CRACDL: variants seen among roughly 807,000 people sequenced by gnomAD.
CRACDL encodes CRACD like, also known as CRACD-like protein.
A neutral mutation model predicts 70.6 loss-of-function variants in CRACDL; 26 were observed. That is an observed-to-expected ratio of 0.37 (90% CI 0.27 to 0.51). The LOEUF is 0.51. Ranked by LOEUF, CRACDL falls within the 20% of genes least tolerant of loss-of-function variation. The probability of loss-of-function intolerance (pLI) is 0.94; values close to 1 mark genes in which losing one functional copy is unlikely to be tolerated. For missense variants in CRACDL, 1,283 were observed against 1,376.9 expected (o/e 0.93, Z 1.08); for synonymous variants, 618 against 615.2 (o/e 1.00, Z -0.07).
At chr2:98,812,955 T>G (rs1233585279) in intron 7 of CRACDL, among the ~76,000 whole-genome samples, 1 of 152,204 alleles carries the variant, frequency 6.6e-6, no homozygotes, top group East Asian at 1.9e-4. Context: ...CCCAAATATT[T>G]TCTCATATTT....
intron 3 of CRACDL, 113 bp downstream of exon 3, chr2:98,838,006 C>CTCT (rs1705869106): frequency 1.7e-5 from 15 of 863,154 alleles, no homozygotes; most frequent in Admixed American, 6.3e-5. Flanking sequence ...ATGGAAGAAC[C>CTCT]TCTAATGGAA....
chr2:98,895,176 A>G (rs999596502), intron 1 of CRACDL, among the ~76,000 whole-genome samples: 4 of 152,194 alleles, frequency 2.6e-5, no homozygotes, highest in African/African-American at 7.2e-5. Context: ...CTGTCCATTC[A>G]TCAGAAAATT....
intron 1 of CRACDL, among the ~76,000 whole-genome samples, chr2:98,877,793 C>T (rs1049160685): frequency 4.6e-5 from 7 of 151,964 alleles, no homozygotes; most frequent in Admixed American, 6.6e-5. Context: ...AGTATATCCT[C>T]GGTTCATAGT....
intron 1 of CRACDL, among the ~76,000 whole-genome samples, chr2:98,878,120 T>C (rs1383961296): frequency 6.6e-6 from 1 of 152,122 alleles, no homozygotes; most frequent in Non-Finnish European, 1.5e-5. Context: ...CTAATATTTG[T>C]ATTTTTAGTA....
At chr2:98,928,186 A>G (rs1369909129) in intron 1 of CRACDL, among the ~76,000 whole-genome samples, 1 of 151,922 alleles carries the variant, frequency 6.6e-6, no homozygotes, top group East Asian at 1.9e-4. Context: ...CTCTCAAAAA[A>G]ATAAATAAAT....
chr2:98,836,182 GCA>G (rs1232347827), intron 3 of CRACDL, among the ~76,000 whole-genome samples: 3 of 152,142 alleles, frequency 2.0e-5, no homozygotes, highest in Admixed American at 2.0e-4. Context: ...AAGCACAACC[GCA>G]CAGACACAGA....
chr2:98,822,619 C>G lies in CRACDL; in HGVS notation c.1654G>C (p.Ala552Pro), dbSNP rs1421205421. The G allele has an allele frequency of 1.5e-6, 2 of 1,370,564 alleles. No individual in the cohort carries two copies. Among genetic ancestry groups the G allele is most frequent in the Non-Finnish European group, 1.9e-6 (2 of 1,071,148 alleles). 84.9% of individuals were successfully genotyped at this position (1,370,564 alleles called of 1,614,324 possible). ...TTCCGCTCTGGCGCCGCCCTCTCGGCGCCCGCCGGTGGCGCCTCGGCTCGC... is the reference window on the plus strand; with the variant it reads ...TTCCGCTCTGGCGCCGCCCTCTCGGGGCCCGCCGGTGGCGCCTCGGCTCGC... Reference protein sequence around the residue: ...AERAEAPPAGAERAAPERKAE... With the variant: ...AERAEAPPAGPERAAPERKAE... Residue 552 changes from alanine to proline, a missense_variant, in exon 7 of 10, where the codon GCC becomes CCC. Around this residue, in one of 2 missense-constraint regions of CRACDL, gnomAD observed 921 missense variants for 881.9 expected, o/e 1.04. Transcript: ENST00000397899. The surrounding 1 kb of genome is among the most constrained non-coding windows in gnomAD (Gnocchi z 4.9).
At chr2:98,852,116 A>G (rs1315534714) in intron 1 of CRACDL, among the ~76,000 whole-genome samples, 1 of 152,174 alleles carries the variant, frequency 6.6e-6, no homozygotes, top group Non-Finnish European at 1.5e-5. Flanking sequence ...GGGCTGCCAG[A>G]GCAGATGGAA....
At chr2:98,824,174 C>T (rs988714007) in intron 6 of CRACDL, among the ~76,000 whole-genome samples, 3 of 152,162 alleles carry the variant, frequency 2.0e-5, no homozygotes, top group East Asian at 1.9e-4. Context: ...ATTTAAAGTC[C>T]TAGATTCTCT....
chr2:98,886,631 T>C (rs1460971011), intron 1 of CRACDL, among the ~76,000 whole-genome samples: 2 of 152,214 alleles, frequency 1.3e-5, no homozygotes, highest in African/African-American at 4.8e-5. Flanking sequence ...GTTTACTAGT[T>C]CTAAATGTTT....
intron 1 of CRACDL, among the ~76,000 whole-genome samples, chr2:98,933,141 A>C (rs1038909468): frequency 6.6e-6 from 1 of 152,150 alleles, no homozygotes; most frequent in Non-Finnish European, 1.5e-5. Flanking sequence ...CCAATGGAAG[A>C]GCCAGGTCCC....
Position 98,832,474 on chromosome 2 carries a change from AGGT to A in CRACDL, c.411_413del (p.Pro140del). The A allele has an allele frequency of 6.2e-7, 1 of 1,612,722 alleles. No individual in the cohort carries two copies. Among genetic ancestry groups the A allele is most frequent in the Non-Finnish European group, 8.5e-7 (1 of 1,179,102 alleles). Reference sequence around the variant, plus strand: ...GCTTGGCAGGAAGCCCCCCTGGAGGAGGTGGTGGCCCCATTTTCACATTACACT... The same window carrying A: ...GCTTGGCAGGAAGCCCCCCTGGAGGAGGTGGCCCCATTTTCACATTACACT... On this transcript the variant is annotated inframe_deletion, in exon 5 of 10. Coordinates refer to ENST00000397899, the MANE Select transcript of CRACDL (RefSeq NM_207362.3).
intron 5 of CRACDL, among the ~76,000 whole-genome samples, chr2:98,832,048 G>T (rs1705564541): frequency 6.6e-6 from 1 of 152,098 alleles, no homozygotes; most frequent in African/African-American, 2.4e-5. Flanking sequence ...GGGGTTCTGG[G>T]TCTGGTCATC....
chr2:98,801,761 C>T (rs1372099249), intron 7 of CRACDL, among the ~76,000 whole-genome samples: 6 of 152,178 alleles, frequency 3.9e-5, no homozygotes, highest in Non-Finnish European at 7.3e-5. Flanking sequence ...GAAATATCCA[C>T]TGTCTACACT....
At chr2:98,904,386 C>T (rs747230752) in intron 1 of CRACDL, among the ~76,000 whole-genome samples, 3 of 152,244 alleles carry the variant, frequency 2.0e-5, no homozygotes, top group Non-Finnish European at 4.4e-5. Flanking sequence ...GGGAGCCCTC[C>T]AGCAGGGAAC....
intron 1 of CRACDL, among the ~76,000 whole-genome samples, chr2:98,914,049 C>T (rs373500071): frequency 7.2e-5 from 11 of 152,364 alleles, no homozygotes; most frequent in African/African-American, 2.6e-4. Flanking sequence ...GCTAAGCAAT[C>T]ACCTCTGCAA....
intron 1 of CRACDL, chr2:98,908,473 A>C (rs1347746894): frequency 6.6e-6 from 1 of 152,250 alleles, no homozygotes; most frequent in Non-Finnish European, 1.5e-5. Flanking sequence ...ACACAGCTGG[A>C]TGGCTCCACA....
At chr2:98,802,272 G>A (rs1311473508) in intron 7 of CRACDL, among the ~76,000 whole-genome samples, 4 of 152,248 alleles carry the variant, frequency 2.6e-5, no homozygotes, top group South Asian at 2.1e-4. Flanking sequence ...CCGCAGTCCC[G>A]CTATCCACGG....
At chr2:98,860,055 A>C (rs1268618354) in intron 1 of CRACDL, among the ~76,000 whole-genome samples, 1 of 152,234 alleles carries the variant, frequency 6.6e-6, no homozygotes, top group Non-Finnish European at 1.5e-5. Context: ...ACTGCATTTA[A>C]AATACTATCC....
Sources: allele counts gnomAD v4.1 joint callset (sites outside exome capture counted in the v4.1 genomes callset), GRCh38; gene constraint gnomAD v4.1.1; regional missense constraint gnomAD v4.1.1; non-coding constraint Gnocchi (gnomAD v3.1); transcripts MANE v1.5; gene names NCBI Gene and HGNC (gene_info 2026-07-23, HGNC 2026-07-21).